The following DAB1 variants were observed in gnomAD, a reference collection of about 807,000 sequenced individuals.
DAB1 encodes the protein DAB adaptor protein 1, also known as disabled homolog 1.
In DAB1, 15 loss-of-function variants were observed where a neutral mutation model predicts 64.6. That is an observed-to-expected ratio of 0.23 (90% confidence interval 0.16 to 0.36). DAB1 has a LOEUF of 0.36. Ranked by LOEUF, DAB1 falls within the 10% of genes least tolerant of loss-of-function variation. The probability of loss-of-function intolerance (pLI) is 1.00; values close to 1 mark genes in which losing one functional copy is unlikely to be tolerated. For synonymous variants in DAB1, 235 were observed against 251.9 expected (o/e 0.93, Z 0.64); for missense variants, 596 against 706.7 (o/e 0.84, Z 1.78).
intron 3 of DAB1, among the ~76,000 whole-genome samples, chr1:58,497,614 GGAA>G (rs56057727): frequency 0.29 from 44,613 of 151,704 alleles, 7,117 homozygotes; most frequent in African/African-American, 0.41. Flanking sequence ...TCTGAAAACA[GGAA>G]GAAGAAGTTA....
In DAB1 at chr1:57,915,678, CAG is replaced by C. The variant is rs1644716372; in HGVS notation, n.388-31518_388-31517del. Among the ~76,000 whole-genome samples, 3 of 152,134 alleles carry C rather than the reference CAG, an allele frequency of 2.0e-5. No individual in the cohort carries two copies. The South Asian group carries it at 6.2e-4, about 32-fold the overall frequency. ...CCCACTCAGGATAGACAGGCAAAGT[CAG>C]AGAGAGCTCATGCACAGTATATGAA... is the stretch of plus-strand genomic sequence containing the variant. On this transcript the variant is annotated intron_variant and non_coding_transcript_variant, in intron 5 of 20. Coordinates refer to the DAB1 transcript ENST00000485760.
chr1:58,449,179 G>A (rs1044332326), intron 3 of DAB1, among the ~76,000 whole-genome samples: 2 of 152,202 alleles, frequency 1.3e-5, no homozygotes, highest in Non-Finnish European at 2.9e-5. Context: ...CGTATCGCGG[G>A]AATGAATCTT....
chr1:57,973,758 G>A (rs760704825), intron 5 of DAB1, among the ~76,000 whole-genome samples: 4 of 151,990 alleles, frequency 2.6e-5, no homozygotes, highest in East Asian at 3.9e-4. Context: ...CACTACTAGC[G>A]TTCTTCTCCA....
intron 3 of DAB1, among the ~76,000 whole-genome samples, chr1:57,137,829 G>A (rs1163285613): frequency 6.6e-6 from 1 of 152,170 alleles, no homozygotes; most frequent in African/African-American, 2.4e-5. Context: ...GGTATGACCA[G>A]AGGTATGAGG....
chr1:57,590,085 GGTTCTGGAGGCTAGAA>G (rs2101568462), intron 7 of DAB1, among the ~76,000 whole-genome samples: 1 of 152,076 alleles, frequency 6.6e-6, no homozygotes, highest in Admixed American at 6.5e-5. Context: ...TATTTTTTAT[GGTTCTGGAGGCTAGAA>G]GTCCAAGATC....
At chr1:58,142,479 A>T (rs1395207277) in intron 5 of DAB1, among the ~76,000 whole-genome samples, 1 of 152,070 alleles carries the variant, frequency 6.6e-6, no homozygotes, top group East Asian at 1.9e-4. Context: ...TTCATCCTTG[A>T]TCTAGGGGAG....
intron 1 of DAB1, among the ~76,000 whole-genome samples, chr1:57,854,671 G>A (rs958322695): frequency 6.6e-6 from 1 of 152,166 alleles, no homozygotes; most frequent in Non-Finnish European, 1.5e-5. Context: ...TGGTGGTCTG[G>A]TTGCTTCTCA....
intron 5 of DAB1, among the ~76,000 whole-genome samples, chr1:58,111,351 G>A (rs1329210969): frequency 6.6e-6 from 1 of 152,216 alleles, no homozygotes; most frequent in Non-Finnish European, 1.5e-5. Context: ...AGCACAAGAT[G>A]TTCTGTGAAA....
At chr1:58,128,491 A>T (rs1346884222) in intron 5 of DAB1, among the ~76,000 whole-genome samples, 1 of 132,380 alleles carries the variant, frequency 7.6e-6, no homozygotes, top group Non-Finnish European at 1.6e-5. Flanking sequence ...GTCCAACACT[A>T]TGTTGAATAG....
At chr1:58,210,008 T>G (rs1315249188) in intron 4 of DAB1, among the ~76,000 whole-genome samples, 1 of 152,158 alleles carries the variant, frequency 6.6e-6, no homozygotes, top group Non-Finnish European at 1.5e-5. Context: ...AATTTTACAG[T>G]AAGATGTAGC....
rs35503929 is a variant in DAB1 at position 58,332,902 on chromosome 1, T to TTTTATTTA, written n.309+10442_309+10449dup. Among the ~76,000 whole-genome samples, 17 of 151,284 alleles carry TTTTATTTA rather than the reference T, an allele frequency of 1.1e-4. No homozygotes were observed. In the East Asian group the frequency reaches 1.6e-3, roughly 14 times the overall value. ...TTTAGCTTATGTCACCCTTTTAAAA[T>TTTTATTTA]TTTATTTATTTATTTATTTATTTTT... On this transcript the variant is annotated intron_variant and non_coding_transcript_variant, in intron 4 of 20. Transcript: ENST00000485760.
intron 6 of DAB1, among the ~76,000 whole-genome samples, chr1:57,790,094 G>A (rs555776728): frequency 1.3e-5 from 2 of 152,314 alleles, no homozygotes; most frequent in African/African-American, 4.8e-5. Flanking sequence ...GAGCTGATAA[G>A]AAAGTGGTAG....
At chr1:58,435,055 T>C (rs1215389343) in intron 3 of DAB1, among the ~76,000 whole-genome samples, 1 of 152,214 alleles carries the variant, frequency 6.6e-6, no homozygotes, top group East Asian at 1.9e-4. Flanking sequence ...GACTTGCATC[T>C]TTGAGAGTCA....
intron 9 of DAB1, among the ~76,000 whole-genome samples, chr1:57,054,920 T>C (rs576786074): frequency 3.3e-5 from 5 of 152,248 alleles, no homozygotes; most frequent in Admixed American, 6.5e-5. Context: ...TAATCAGCTC[T>C]GAGCACTGCT....
rs540644968 is a variant in DAB1 at position 58,025,179 on chromosome 1, C to G, written n.387+125332G>C. ...TGGAGAACCCCTTATACATCTCTAGCAACATAAACATTCTTTGGGGAGGCT... is the reference window on the plus strand; with the variant it reads ...TGGAGAACCCCTTATACATCTCTAGGAACATAAACATTCTTTGGGGAGGCT... On this transcript the variant is annotated intron_variant and non_coding_transcript_variant, in intron 5 of 20. Transcript: ENST00000485760. 8.2e-4 allele frequency among the ~76,000 whole-genome samples: 125 copies of G among 151,954 alleles called. 1 individual carries two copies. Among genetic ancestry groups the G allele is most frequent in the African/African-American group, 2.6e-3 (108 of 41,434 alleles).
chr1:58,504,855 A>G (rs1382514753), intron 3 of DAB1, among the ~76,000 whole-genome samples: 3 of 152,200 alleles, frequency 2.0e-5, no homozygotes, highest in Non-Finnish European at 4.4e-5. Flanking sequence ...ATCAAGAACC[A>G]TATCTTATTC....
At chr1:57,180,994 C>A (rs1336766789) in intron 2 of DAB1, among the ~76,000 whole-genome samples, 2 of 152,170 alleles carry the variant, frequency 1.3e-5, no homozygotes, top group Non-Finnish European at 2.9e-5. Flanking sequence ...TGATTTGTGG[C>A]AAATGCTACT....
intron 7 of DAB1, among the ~76,000 whole-genome samples, chr1:57,591,983 G>A (rs1645450941): frequency 6.6e-6 from 1 of 152,180 alleles, no homozygotes; most frequent in East Asian, 1.9e-4. Context: ...GTTTTTCTCA[G>A]ATAAGTTACA....
intron 7 of DAB1, among the ~76,000 whole-genome samples, chr1:57,490,619 T>G (rs1644150595): frequency 6.6e-6 from 1 of 152,166 alleles, no homozygotes; most frequent in South Asian, 2.1e-4. Context: ...TGGTTTCAGT[T>G]TACAAACTAG....
Sources: gnomAD v4.1 joint callset for allele counts (sites outside exome capture counted in the v4.1 genomes callset) on GRCh38, gnomAD v4.1.1 for gene constraint, MANE v1.5 for transcripts, NCBI Gene and HGNC (gene_info 2026-07-23, HGNC 2026-07-21) for gene names.